The following ATP10A variants were observed in gnomAD, a reference collection of about 807,000 sequenced individuals.
ATP10A encodes the protein phospholipid-transporting ATPase VA.
A neutral mutation model predicts 147.8 loss-of-function variants in ATP10A; 111 were observed. The ratio of observed to expected loss-of-function variants is 0.75; its 90% CI spans 0.64 to 0.88. The LOEUF (loss-of-function observed/expected upper bound fraction) is 0.88. Ranked by LOEUF, ATP10A falls within the 40% of genes least tolerant of loss-of-function variation. The probability of loss-of-function intolerance (pLI) is 0.00; values close to 1 mark genes in which losing one functional copy is unlikely to be tolerated. For synonymous variants in ATP10A, 875 were observed against 841.6 expected (o/e 1.04, Z -0.69); for missense variants, 1,927 against 1,959.0 (o/e 0.98, Z 0.31).
intron 12 of ATP10A, among the ~76,000 whole-genome samples, chr15:25,706,378 G>A (rs938227181): frequency 1.3e-5 from 2 of 152,188 alleles, no homozygotes; most frequent in African/African-American, 4.8e-5. Flanking sequence ...CCCTGTGCCT[G>A]CGCCACGCTC....
At chr15:25,716,675 C>G in intron 9 of ATP10A, 55 bp downstream of exon 9, 1 of 1,455,940 alleles carries the variant, frequency 6.9e-7, no homozygotes, top group Non-Finnish European at 9.2e-7. Context: ...GACTGACAAC[C>G]ATGGCCCGCA....
At position 25,714,205 on chromosome 15, in the gene ATP10A, T is replaced by C; in HGVS notation, c.1813A>G (p.Thr605Ala). 1.2e-6 allele frequency: 2 copies of C among 1,602,408 alleles called. No individual in the cohort carries two copies. Among genetic ancestry groups the C allele is most frequent in the Non-Finnish European group, 1.7e-6 (2 of 1,179,956 alleles). The change falls in exon 10 of 21, where the codon ACG (threonine) becomes GCG (alanine). Residue 605 changes from threonine to alanine, a missense_variant. By Grantham distance (58) the Thr-to-Ala change is moderately conservative (BLOSUM62 0). Transcript: ENST00000555815. ...AACCTCCGCAGGAAGTCTTCTATCG[T>C]CTTCACCGGGGACTTCAGCTCAAAC... ...VRFELKSPVK[T>A]IEDFLRRFTP...
chr15:25,760,104 T>C (rs1175104120), intron 2 of ATP10A, among the ~76,000 whole-genome samples: 2 of 152,118 alleles, frequency 1.3e-5, no homozygotes, highest in African/African-American at 2.4e-5. Context: ...AGTAGCTATG[T>C]AATTTAAACC....
intron 2 of ATP10A, among the ~76,000 whole-genome samples, chr15:25,771,404 C>T (rs1889327917): frequency 6.6e-6 from 1 of 152,116 alleles, no homozygotes; most frequent in Non-Finnish European, 1.5e-5. Flanking sequence ...ACCTTCCTAT[C>T]TCTATAAAAA....
intron 1 of ATP10A, among the ~76,000 whole-genome samples, chr15:25,818,153 C>A (rs1010313135): frequency 1.3e-5 from 2 of 151,900 alleles, no homozygotes; most frequent in African/African-American, 4.8e-5. Context: ...ATTAAAAAAA[C>A]CTAGAAACAC....
At chr15:25,737,117 G>A (rs1251793118) in intron 2 of ATP10A, among the ~76,000 whole-genome samples, 2 of 152,192 alleles carry the variant, frequency 1.3e-5, no homozygotes, top group Non-Finnish European at 2.9e-5. Context: ...ATCGTAGCTC[G>A]ATTCAATAAC....
chr15:25,843,773 T>C (rs1257112060), intron 1 of ATP10A, among the ~76,000 whole-genome samples: 1 of 152,164 alleles, frequency 6.6e-6, no homozygotes, highest in Non-Finnish European at 1.5e-5. Context: ...GGGAAAATCA[T>C]GCCATGCCCA....
chr15:25,862,637 G>T lies in ATP10A; in HGVS notation c.449+11C>A. 6.4e-7 allele frequency: 1 copy of T among 1,550,404 alleles called. No individual in the cohort carries two copies. Among genetic ancestry groups the T allele is most frequent in the Non-Finnish European group, 8.7e-7 (1 of 1,147,984 alleles). ...CCACCGCGCGCTCGCTCGCCCGCCCGCCCAACTCACCTGCTGAAGACCAGG... is the reference window on the plus strand; with the variant it reads ...CCACCGCGCGCTCGCTCGCCCGCCCTCCCAACTCACCTGCTGAAGACCAGG... On this transcript the variant is annotated intron_variant, in intron 1 of 20. Coordinates refer to ENST00000555815, the MANE Select transcript of ATP10A (RefSeq NM_024490.4).
At chr15:25,845,073 T>C (rs370540005) in intron 1 of ATP10A, among the ~76,000 whole-genome samples, 1 of 152,108 alleles carries the variant, frequency 6.6e-6, no homozygotes, top group South Asian at 2.1e-4. Context: ...CAGGAGAAAG[T>C]GTGTGATGAG....
At chr15:25,702,565 T>C (rs977732765) in intron 12 of ATP10A, among the ~76,000 whole-genome samples, 2 of 152,180 alleles carry the variant, frequency 1.3e-5, no homozygotes, top group Non-Finnish European at 2.9e-5. Flanking sequence ...GTCTCAACAA[T>C]GCTTATTACT....
At chr15:25,780,579 C>T (rs1447437640) in intron 2 of ATP10A, among the ~76,000 whole-genome samples, 1 of 152,186 alleles carries the variant, frequency 6.6e-6, no homozygotes, top group Non-Finnish European at 1.5e-5. Flanking sequence ...ACACCAGAGG[C>T]AGGATTCAGC....
intron 9 of ATP10A, among the ~76,000 whole-genome samples, chr15:25,715,456 G>A (rs542710346): frequency 1.3e-5 from 2 of 152,372 alleles, no homozygotes; most frequent in South Asian, 4.1e-4. Flanking sequence ...TTCAGCACAA[G>A]CCTCAATGAC....
At position 25,858,776 on chromosome 15, in the gene ATP10A, G is replaced by A. The variant is rs148098523; in HGVS notation, c.449+3872C>T. ...AGCCCAGAAGATTCAGGGAAAAGTC[G>A]CCTCCGGTTATTTCCTGCAGAAATA... is the stretch of plus-strand genomic sequence containing the variant. On this transcript the variant is annotated intron_variant, in intron 1 of 20. Coordinates refer to ENST00000555815, the MANE Select transcript of ATP10A (RefSeq NM_024490.4). Among the ~76,000 whole-genome samples the A allele has an allele frequency of 3.9e-5, 6 of 152,220 alleles. No individual in the cohort carries two copies. The East Asian group carries it at 7.7e-4, about 20-fold the overall frequency.
chr15:25,735,974 C>T, intron 3 of ATP10A, 82 bp downstream of exon 3: 1 of 1,242,242 alleles, frequency 8.0e-7, no homozygotes, highest in Admixed American at 1.8e-5. Context: ...TAAATGCATA[C>T]TTTATAACTG....
In ATP10A at chr15:25,789,734, A is replaced by G. The variant is rs111392853; in HGVS notation, c.450-8511T>C. ...GAATGCCAGCAACAATAGCTTTCAAAGGTTTCTCCGCCATCAGCGCTGTTG... is the reference window on the plus strand; with the variant it reads ...GAATGCCAGCAACAATAGCTTTCAAGGGTTTCTCCGCCATCAGCGCTGTTG... On this transcript the variant is annotated intron_variant, in intron 1 of 20. Coordinates refer to ENST00000555815, the MANE Select transcript of ATP10A (RefSeq NM_024490.4). 7.1e-3 allele frequency among the ~76,000 whole-genome samples: 1,079 copies of G among 152,292 alleles called. 17 individuals are homozygous for G. Among genetic ancestry groups the G allele is most frequent in the East Asian group, 0.029 (152 of 5,166 alleles).
rs550300776 is a variant in ATP10A at position 25,753,078 on chromosome 15, T to C, written c.655-16937A>G. ...TAACATATCTATCACTCCAAGTACCTGACGATTTTGTGGTAAGAACGTTTG... is the reference window on the plus strand; with the variant it reads ...TAACATATCTATCACTCCAAGTACCCGACGATTTTGTGGTAAGAACGTTTG... On this transcript the variant is annotated intron_variant, in intron 2 of 20. Transcript: ENST00000555815. Among the ~76,000 whole-genome samples, 7 of 152,336 alleles carry C rather than the reference T, an allele frequency of 4.6e-5. No homozygotes were observed. The South Asian group carries it at 1.2e-3, about 27-fold the overall frequency.
At chr15:25,695,170 C>T (rs148968425) in intron 13 of ATP10A, 24 bp from the exon 14 acceptor site, 10 of 1,582,456 alleles carry the variant, frequency 6.3e-6, no homozygotes, top group African/African-American at 2.7e-5. Flanking sequence ...GAGAGGACAG[C>T]GCAGTTCCCT....
intron 2 of ATP10A, among the ~76,000 whole-genome samples, chr15:25,764,854 T>G (rs896765424): frequency 6.6e-6 from 1 of 152,190 alleles, no homozygotes; most frequent in Non-Finnish European, 1.5e-5. Flanking sequence ...AGCTAAAAGC[T>G]CCGGCCTGCT....
At chr15:25,687,948 G>T in intron 15 of ATP10A, 120 bp from the exon 16 acceptor site, 1 of 1,417,658 alleles carries the variant, frequency 7.1e-7, no homozygotes. Flanking sequence ...AACACAGTGC[G>T]AGCGTGGCCG....
Sources: gnomAD v4.1 joint callset for allele counts (sites outside exome capture counted in the v4.1 genomes callset) on GRCh38, gnomAD v4.1.1 for gene constraint, MANE v1.5 for transcripts, NCBI Gene and HGNC (gene_info 2026-07-23, HGNC 2026-07-21) for gene names.